Variants in FBXL19 observed in about 807,000 individuals in gnomAD.
FBXL19 encodes F-box/LRR-repeat protein 19.
In FBXL19, 16 loss-of-function variants were observed where a neutral mutation model predicts 71.2. That is an observed-to-expected ratio of 0.22 (90% CI 0.15 to 0.34). FBXL19 has a LOEUF of 0.34. Among genes scored for constraint, FBXL19 ranks in the 10% least tolerant of loss-of-function variants. FBXL19 has a pLI of 1.00. For synonymous variants in FBXL19, 447 were observed against 409.4 expected (o/e 1.09, Z -1.11); for missense variants, 658 against 968.2 (o/e 0.68, Z 4.25).
chr16:30,926,335 C>G (rs957401755), intron 2 of FBXL19, among the ~76,000 whole-genome samples: 1 of 152,212 alleles, frequency 6.6e-6, no homozygotes, highest in East Asian at 1.9e-4. Context: ...CTAAGCTCAC[C>G]CTTTATGTGA....
rs539107888 is a variant in FBXL19, at chr16:30,947,397, C to T, written c.*167C>T. ...CAAGCCAGCCACCCCCTTCTTTCCC[C>T]CCTGCACTGATATCTCTGGGGGTTT... is the stretch of plus-strand genomic sequence containing the variant. On this transcript the variant is annotated 3_prime_UTR_variant, in exon 11 of 11. Coordinates refer to ENST00000338343, the MANE Select transcript of FBXL19 (RefSeq NM_001382779.1). 12 of 605,146 alleles carry T rather than the reference C, an allele frequency of 2.0e-5. No individual in the cohort carries two copies. Among genetic ancestry groups the T allele is most frequent in the African/African-American group, 1.9e-4 (10 of 53,964 alleles). The allele number at this position is 605,146 out of a possible 1,614,324, so 37.5% of individuals were successfully genotyped here.
upstream of FBXL19, chr16:30,923,080 T>C: frequency 2.2e-6 from 1 of 456,744 alleles, no homozygotes. Flanking sequence ...CTCTTTCCTT[T>C]TCACCTTTCC....
At chr16:30,931,893 ATTTTTTT>A (rs34106190) in intron 7 of FBXL19, among the ~76,000 whole-genome samples, 2 of 132,258 alleles carry the variant, frequency 1.5e-5, no homozygotes, top group East Asian at 2.2e-4. Flanking sequence ...CACCCGGCTA[ATTTTTTT>A]TTTTTTTTTT....
At chr16:30,926,710 C>T (rs1229797994) in intron 2 of FBXL19, among the ~76,000 whole-genome samples, 2 of 152,096 alleles carry the variant, frequency 1.3e-5, no homozygotes, top group African/African-American at 2.4e-5. Flanking sequence ...TTCCTTCTCC[C>T]CCTACCTGCA....
chr16:30,947,504 A>C lies in FBXL19; in HGVS notation c.*274A>C. 2.4e-6 allele frequency: 1 copy of C among 424,220 alleles called. No homozygotes were observed. Among genetic ancestry groups the C allele is most frequent in the South Asian group, 2.6e-5 (1 of 39,204 alleles). The allele number at this position is 424,220 out of a possible 1,614,324, so 26.3% of individuals were successfully genotyped here. Reference sequence around the variant, plus strand: ...GGGTCAGAGGTACTGGAGGGTGCTGAGCCGAAGGGACGGTGGGAGGGGGGT... The same window carrying C: ...GGGTCAGAGGTACTGGAGGGTGCTGCGCCGAAGGGACGGTGGGAGGGGGGT... On this transcript the variant is annotated 3_prime_UTR_variant, in exon 11 of 11. Transcript: ENST00000338343.
At position 30,946,627 on chromosome 16, in the gene FBXL19, G is replaced by C. The variant is rs970717119; in HGVS notation, c.1628-103G>C. The C allele has an allele frequency of 2.7e-6, 3 of 1,110,492 alleles. No individual in the cohort carries two copies. In the African/African-American group the frequency reaches 4.6e-5, roughly 17 times the overall value. 68.8% of individuals were successfully genotyped at this position (1,110,492 alleles called of 1,614,324 possible). On this transcript the variant is annotated intron_variant, in intron 9 of 10. Coordinates refer to ENST00000338343, the MANE Select transcript of FBXL19 (RefSeq NM_001382779.1). This position sits in a 1 kb window ranked among gnomAD's most constrained non-coding sequence, Gnocchi z 6.7. ...AAGAGCAAGCCACAGAGTGCACCAG[G>C]TCACTCACTTATGTGGGAAGCAGGT...
intron 7 of FBXL19, among the ~76,000 whole-genome samples, chr16:30,941,075 C>T (rs778066455): frequency 2.0e-5 from 3 of 152,134 alleles, no homozygotes; most frequent in Non-Finnish European, 4.4e-5. Flanking sequence ...TACTTGGGAC[C>T]TATAACGCTT....
At chr16:30,929,571 A>AT (rs1006900799) in intron 6 of FBXL19, among the ~76,000 whole-genome samples, 45 of 151,974 alleles carry the variant, frequency 3.0e-4, no homozygotes, top group African/African-American at 1.0e-3. Flanking sequence ...ATTTTATTTT[A>AT]TTTTTGAGAC....
chr16:30,930,045 G>C lies in FBXL19; in HGVS notation c.790-28G>C. On this transcript the variant is annotated intron_variant, in intron 6 of 10. Coordinates refer to ENST00000338343, the MANE Select transcript of FBXL19 (RefSeq NM_001382779.1). This position sits in a 1 kb window ranked among gnomAD's most constrained non-coding sequence, Gnocchi z 8.5. ...GTGGGAAAATGTATCCCAGGCCCTAGAACAGCATCAACCCTGTCTCCCTGC... is the reference window on the plus strand; with the variant it reads ...GTGGGAAAATGTATCCCAGGCCCTACAACAGCATCAACCCTGTCTCCCTGC... 6.3e-7 allele frequency: 1 copy of C among 1,598,368 alleles called. No homozygotes were observed. The highest frequency in any genetic ancestry group is 8.5e-7 in the Non-Finnish European group (1 of 1,170,612).
chr16:30,930,327 G>T lies in FBXL19; in HGVS notation c.1044G>T (p.Gly348=). 6.2e-7 allele frequency: 1 copy of T among 1,602,166 alleles called. No homozygotes were observed. Among genetic ancestry groups the T allele is most frequent in the Non-Finnish European group, 8.5e-7 (1 of 1,174,638 alleles). ...RGSSGEKENR[G]GRRAVRPGSG... ...GCTCTGGCGAGAAGGAGAACCGTGGGGGGCGGCGGGCTGTGCGCCCTGGCA... is the reference window on the plus strand; with the variant it reads ...GCTCTGGCGAGAAGGAGAACCGTGGTGGGCGGCGGGCTGTGCGCCCTGGCA... The change falls in exon 7 of 11, where the codon GGG becomes GGT. Residue 348 remains glycine (G), a synonymous_variant. Coordinates refer to ENST00000338343, the MANE Select transcript of FBXL19 (RefSeq NM_001382779.1). The surrounding 1 kb of genome is among the most constrained non-coding windows in gnomAD (Gnocchi z 8.5).
rs1048170403 is a variant in FBXL19 at position 30,948,211 on chromosome 16, C to T, written c.*981C>T. The T allele has an allele frequency of 1.3e-5, 2 of 158,308 alleles. No individual in the cohort carries two copies. The highest frequency in any genetic ancestry group is 2.8e-5 in the Non-Finnish European group (2 of 71,386). The allele number at this position is 158,308 out of a possible 1,614,324, so 9.8% of individuals were successfully genotyped here. On this transcript the variant is annotated 3_prime_UTR_variant, in exon 11 of 11. Transcript: ENST00000338343. ...GCCGGACCCGCATTATGGCTGGGGG[C>T]GCCAGCCCAAGAATGGGGACCATGG...
intron 7 of FBXL19, among the ~76,000 whole-genome samples, chr16:30,932,117 TAATC>T (rs200893207): frequency 1.3e-5 from 2 of 152,208 alleles, no homozygotes; most frequent in East Asian, 3.8e-4. Flanking sequence ...AAAAACCAGA[TAATC>T]AACGCTCTTG....
intron 7 of FBXL19, among the ~76,000 whole-genome samples, chr16:30,939,237 A>G (rs1164113620): frequency 1.3e-5 from 2 of 149,036 alleles, no homozygotes; most frequent in African/African-American, 5.0e-5. Context: ...ACGCCCGGCT[A>G]ATTTTTTGTA....
Position 30,925,928 on chromosome 16 carries a change from T to C in FBXL19, c.174T>C (p.Thr58=). 6.7e-7 allele frequency: 1 copy of C among 1,486,216 alleles called. No individual in the cohort carries two copies. Among genetic ancestry groups the C allele is most frequent in the Non-Finnish European group, 8.9e-7 (1 of 1,123,860 alleles). The allele number at this position is 1,486,216 out of a possible 1,614,324, so 92.1% of individuals were successfully genotyped here. A position where few individuals can be genotyped will look rare whatever the true frequency, so the allele number is the denominator to read the frequency against. The change falls in exon 2 of 11, where the codon ACT becomes ACC. Residue 58 remains threonine (T), a synonymous_variant. Transcript: ENST00000338343. This position sits in a 1 kb window ranked among gnomAD's most constrained non-coding sequence, Gnocchi z 5.0. ...AGTCGTGCCTGCTCCGGCAGTGCACTGCCGTGAGTTCTGCCCCCACCTTTG... is the reference window on the plus strand; with the variant it reads ...AGTCGTGCCTGCTCCGGCAGTGCACCGCCGTGAGTTCTGCCCCCACCTTTG... ...MKQSCLLRQC[T]APVLPHTAVC...
intron 7 of FBXL19, among the ~76,000 whole-genome samples, chr16:30,932,732 G>A (rs1374133471): frequency 1.3e-5 from 2 of 152,134 alleles, no homozygotes; most frequent in East Asian, 1.9e-4. Flanking sequence ...AAAAGGACAC[G>A]AGCCGGGCAG....
At chr16:30,938,782 G>A (rs184301772) in intron 7 of FBXL19, among the ~76,000 whole-genome samples, 100 of 151,872 alleles carry the variant, frequency 6.6e-4, no homozygotes, top group Non-Finnish European at 1.2e-3. Context: ...GACTACAGGC[G>A]CCTGCCACCA....
At chr16:30,932,448 T>C (rs2143337946) in intron 7 of FBXL19, among the ~76,000 whole-genome samples, 1 of 152,328 alleles carries the variant, frequency 6.6e-6, no homozygotes, top group South Asian at 2.1e-4. Context: ...GAAAGGGACC[T>C]GATTTCTGCT....
rs1303184258 is a variant in FBXL19 at position 30,925,198 on chromosome 16, G to A, written c.-24-533G>A. Among the ~76,000 whole-genome samples the A allele has an allele frequency of 6.6e-6, 1 of 151,962 alleles. No individual in the cohort carries two copies. Among genetic ancestry groups the A allele is most frequent in the Non-Finnish European group, 1.5e-5 (1 of 67,952 alleles). Reference sequence around the variant, plus strand: ...GGATAACTGGGTTGAGGGGAAGAGAGATTGGATGGCTGCTGTGGATGAAAA... The same window carrying A: ...GGATAACTGGGTTGAGGGGAAGAGAAATTGGATGGCTGCTGTGGATGAAAA... On this transcript the variant is annotated intron_variant, in intron 1 of 10. Coordinates refer to ENST00000338343, the MANE Select transcript of FBXL19 (RefSeq NM_001382779.1). The surrounding 1 kb of genome is among the most constrained non-coding windows in gnomAD (Gnocchi z 5.0).
chr16:30,945,249 TG>T (rs2055844993), intron 9 of FBXL19, among the ~76,000 whole-genome samples: 3 of 152,160 alleles, frequency 2.0e-5, no homozygotes, highest in Non-Finnish European at 2.9e-5. Context: ...TCACCAGGCC[TG>T]GGTTTCCTGG....
Sources: allele counts gnomAD v4.1 joint callset (sites outside exome capture counted in the v4.1 genomes callset), GRCh38; gene constraint gnomAD v4.1.1; non-coding constraint Gnocchi (gnomAD v3.1); transcripts MANE v1.5; gene names NCBI Gene and HGNC (gene_info 2026-07-23, HGNC 2026-07-21).